The following APOLD1 variants were observed in gnomAD, a reference collection of about 807,000 sequenced individuals.
APOLD1 encodes the protein apolipoprotein L domain containing 1, also known as apolipoprotein L domain-containing protein 1.
A neutral mutation model predicts 15.3 loss-of-function variants in APOLD1; 22 were observed. The ratio of observed to expected loss-of-function variants is 1.44; its 90% CI spans 1.03 to 2.05. The LOEUF (loss-of-function observed/expected upper bound fraction) is 2.05, where lower values mean the gene tolerates loss of function less well. Ranked by LOEUF, APOLD1 falls within the 30% of genes most tolerant of loss-of-function variation. The pLI is 0.00. For synonymous variants in APOLD1, 190 were observed against 167.4 expected (o/e 1.13, Z -1.04); for missense variants, 394 against 353.5 (o/e 1.11, Z -0.92).
rs745518463 is a variant in APOLD1 at position 12,789,806 on chromosome 12, G to T, written c.*2154G>T. 2 of 152,184 alleles carry T rather than the reference G, an allele frequency of 1.3e-5. No homozygotes were observed. Among genetic ancestry groups the T allele is most frequent in the East Asian group, 3.8e-4 (2 of 5,206 alleles). 9.4% of individuals were successfully genotyped at this position (152,184 alleles called of 1,614,324 possible). A position where few individuals can be genotyped will look rare whatever the true frequency, so the allele number is the denominator to read the frequency against. Reference sequence around the variant, plus strand: ...TTCTATAAATGTACCCAATCTGTCCGCACCCTTCCCAGTGATGGGGCAGTA... The same window carrying T: ...TTCTATAAATGTACCCAATCTGTCCTCACCCTTCCCAGTGATGGGGCAGTA... On this transcript the variant is annotated 3_prime_UTR_variant, in exon 2 of 2. Coordinates refer to ENST00000356591, the MANE Select transcript of APOLD1 (RefSeq NM_030817.3).
At chr12:12,777,899 T>TG (rs1565436829) in intron 1 of APOLD1, among the ~76,000 whole-genome samples, 561 of 26,138 alleles carry the variant, frequency 0.021, 9 homozygotes, top group African/African-American at 0.052. Context: ...GTTTTTTTTT[T>TG]TTTTTTTTTT....
chr12:12,740,220 A>G (rs1445510804), intron 1 of APOLD1, among the ~76,000 whole-genome samples: 3 of 151,948 alleles, frequency 2.0e-5, no homozygotes, highest in Non-Finnish European at 4.4e-5. Context: ...TGACCTCGTG[A>G]TCCGCCTGCC....
chr12:12,771,562 GT>G, intron 1 of APOLD1: 3 of 521,562 alleles, frequency 5.8e-6, no homozygotes, highest in Non-Finnish European at 3.8e-6. Context: ...TGCCCCATTT[GT>G]TTTTGGCAAC....
At chr12:12,782,205 G>A (rs1947086417), upstream of APOLD1, among the ~76,000 whole-genome samples, 1 of 152,082 alleles carries the variant, frequency 6.6e-6, no homozygotes, top group Admixed American at 6.5e-5. Context: ...GCTGCAGTGA[G>A]CCGAGATCGC....
chr12:12,769,369 A>AT (rs1405107344), intron 1 of APOLD1, among the ~76,000 whole-genome samples: 1 of 152,226 alleles, frequency 6.6e-6, no homozygotes, highest in African/African-American at 2.4e-5. Context: ...ACACAGGTGA[A>AT]TGCAGATAAT....
At chr12:12,748,907 T>C (rs1946785912) in intron 1 of APOLD1, among the ~76,000 whole-genome samples, 2 of 152,176 alleles carry the variant, frequency 1.3e-5, no homozygotes, top group Non-Finnish European at 2.9e-5. Flanking sequence ...TTCATATTTC[T>C]AAACTTTACA....
chr12:12,767,305 C>A (rs1286036435), intron 1 of APOLD1, among the ~76,000 whole-genome samples: 6 of 152,008 alleles, frequency 3.9e-5, no homozygotes, highest in Admixed American at 3.9e-4. Flanking sequence ...TGAATTAAAC[C>A]AACCACTGAT....
upstream of APOLD1, among the ~76,000 whole-genome samples, chr12:12,781,349 C>G (rs756682871): frequency 5.9e-5 from 9 of 151,982 alleles, no homozygotes. Flanking sequence ...GAGGCTGAGA[C>G]AGGAGAATTG....
chr12:12,728,218 T>G (rs1946608977), intron 1 of APOLD1, among the ~76,000 whole-genome samples: 1 of 152,124 alleles, frequency 6.6e-6, no homozygotes, highest in Non-Finnish European at 1.5e-5. Context: ...CCTCACACCT[T>G]GGCCTCCCAA....
At position 12,786,940 on chromosome 12, in the gene APOLD1, A is replaced by C. The variant is rs558276769; in HGVS notation, c.35A>C (p.His12Pro). The C allele has an allele frequency of 1.4e-6, 2 of 1,457,622 alleles. No homozygotes were observed. The highest frequency in any genetic ancestry group is 3.0e-5 in the African/African-American group (2 of 67,688). 90.3% of individuals were successfully genotyped at this position (1,457,622 alleles called of 1,614,324 possible). ...GMERPAAREP[H>P]GPDALRRFQG... ...GAGAGGCCGGCGGCCCGGGAGCCGC[A>C]TGGGCCCGACGCGCTGCGGCGCTTC... Residue 12 changes from histidine (H) to proline (P), a missense_variant, in exon 2 of 2, where the codon CAT becomes CCT. Transcript: ENST00000356591.
At position 12,787,895 on chromosome 12, in the gene APOLD1, CTT is replaced by C. The variant is rs929783653; in HGVS notation, c.*247_*248del. 9.8e-5 allele frequency: 52 copies of C among 529,838 alleles called. No individual in the cohort carries two copies. Among genetic ancestry groups the C allele is most frequent in the Middle Eastern group, 5.0e-4 (1 of 1,986 alleles). The allele number at this position is 529,838 out of a possible 1,614,324, so 32.8% of individuals were successfully genotyped here. On this transcript the variant is annotated 3_prime_UTR_variant, in exon 2 of 2. Transcript: ENST00000356591. This position sits in a 1 kb window ranked among gnomAD's most constrained non-coding sequence, Gnocchi z 4.9. ...AGTGGAAAAATGTGACCCAAAAACT[CTT>C]TTTCCTTTATCAAAAACTTTCTGTC...
At chr12:12,766,380 G>A (rs1228672178) in intron 1 of APOLD1, among the ~76,000 whole-genome samples, 1 of 152,208 alleles carries the variant, frequency 6.6e-6, no homozygotes, top group Non-Finnish European at 1.5e-5. Flanking sequence ...GATGTTGTCA[G>A]GTTAAGGTGG....
At chr12:12,767,667 A>G (rs558156841) in intron 1 of APOLD1, among the ~76,000 whole-genome samples, 95 of 152,320 alleles carry the variant, frequency 6.2e-4, no homozygotes, top group Admixed American at 1.7e-3. Flanking sequence ...AAACAAAACA[A>G]AAACAAAAAC....
chr12:12,768,748 G>A (rs763810690), intron 1 of APOLD1, among the ~76,000 whole-genome samples: 3 of 150,202 alleles, frequency 2.0e-5, no homozygotes, highest in Non-Finnish European at 4.4e-5. Context: ...CAAACTCCTC[G>A]TTTTCACTTT....
At chr12:12,741,248 C>T (rs918383521) in intron 1 of APOLD1, among the ~76,000 whole-genome samples, 1 of 152,140 alleles carries the variant, frequency 6.6e-6, no homozygotes, top group Non-Finnish European at 1.5e-5. Context: ...GCTCTGTCGC[C>T]CTGGCTGGAG....
chr12:12,753,697 T>G (rs982498846), intron 1 of APOLD1, among the ~76,000 whole-genome samples: 4 of 151,406 alleles, frequency 2.6e-5, no homozygotes, highest in Non-Finnish European at 4.4e-5. Flanking sequence ...AAGAAAGAAA[T>G]ATGAGTAGGG....
At chr12:12,732,774 G>A (rs1462076335) in intron 1 of APOLD1, among the ~76,000 whole-genome samples, 1 of 150,852 alleles carries the variant, frequency 6.6e-6, no homozygotes, top group Admixed American at 6.6e-5. Flanking sequence ...GAAAAAGCAT[G>A]TACTTTTCTA....
intron 1 of APOLD1, among the ~76,000 whole-genome samples, chr12:12,750,336 C>A (rs1045084247): frequency 8.5e-6 from 1 of 117,352 alleles, no homozygotes; most frequent in African/African-American, 3.2e-5. Context: ...CGGGCCATTG[C>A]ATTTCAGCCT....
chr12:12,781,550 C>T (rs888243374), upstream of APOLD1, among the ~76,000 whole-genome samples: 25 of 136,600 alleles, frequency 1.8e-4, no homozygotes, highest in Non-Finnish European at 3.1e-4. Flanking sequence ...TTTTTTGAGA[C>T]GGAGTCTCGC....
Sources: gnomAD v4.1 joint callset for allele counts (sites outside exome capture counted in the v4.1 genomes callset) on GRCh38, gnomAD v4.1.1 for gene constraint, Gnocchi (gnomAD v3.1) non-coding constraint, MANE v1.5 for transcripts, NCBI Gene and HGNC (gene_info 2026-07-23, HGNC 2026-07-21) for gene names.